Variants in EPB41L3 observed in about 807,000 individuals in gnomAD.
EPB41L3 encodes band 4.1-like protein 3.
Under a neutral mutation model 127.1 loss-of-function variants are expected in EPB41L3, and 57 were observed. The ratio of observed to expected loss-of-function variants is 0.45; its 90% CI spans 0.36 to 0.56. The LOEUF is 0.56. Ranked by LOEUF, EPB41L3 falls within the 20% of genes least tolerant of loss-of-function variation. EPB41L3 has a pLI of 0.00. For synonymous variants in EPB41L3, 572 were observed against 549.5 expected, an observed-to-expected ratio of 1.04 and a Z score of -0.57; for missense variants, 1,273 against 1,372.2, an observed-to-expected ratio of 0.93 and a Z score of 1.14.
At chr18:5,430,145 G>T (rs1322759648) in intron 8 of EPB41L3, among the ~76,000 whole-genome samples, 1 of 152,166 alleles carries the variant, frequency 6.6e-6, no homozygotes, top group Non-Finnish European at 1.5e-5. Flanking sequence ...GAAAACAGTA[G>T]CTCCCTTCAT....
At chr18:5,472,241 T>C (rs2086280805) in intron 3 of EPB41L3, among the ~76,000 whole-genome samples, 1 of 152,202 alleles carries the variant, frequency 6.6e-6, no homozygotes, top group South Asian at 2.1e-4. Context: ...ATGGTAATTG[T>C]GTAAATGAGA....
At chr18:5,469,900 C>T (rs1656552021) in intron 3 of EPB41L3, among the ~76,000 whole-genome samples, 1 of 152,016 alleles carries the variant, frequency 6.6e-6, no homozygotes, top group African/African-American at 2.4e-5. Flanking sequence ...CTGCCTCAGC[C>T]TCCCAAGTAG....
At chr18:5,464,955 T>G (rs553789708) in intron 3 of EPB41L3, among the ~76,000 whole-genome samples, 1 of 152,360 alleles carries the variant, frequency 6.6e-6, no homozygotes, top group South Asian at 2.1e-4. Flanking sequence ...TATACCTACT[T>G]GTTCCCTATA....
chr18:5,490,513 T>A (rs1466718435), intron 1 of EPB41L3, among the ~76,000 whole-genome samples: 1 of 152,226 alleles, frequency 6.6e-6, no homozygotes, highest in East Asian at 1.9e-4. Context: ...TTAGGGTTAC[T>A]TTCACAATCA....
chr18:5,426,159 C>T (rs2078149786), intron 9 of EPB41L3, among the ~76,000 whole-genome samples: 1 of 152,168 alleles, frequency 6.6e-6, no homozygotes, highest in Admixed American at 6.6e-5. Flanking sequence ...TTGCCTTGCT[C>T]TTTGAGTAAT....
chr18:5,490,548 AAG>A (rs1440496601), intron 1 of EPB41L3, among the ~76,000 whole-genome samples: 1 of 152,194 alleles, frequency 6.6e-6, no homozygotes, highest in African/African-American at 2.4e-5. Context: ...TGTTGAATAA[AAG>A]AGACATATCA....
At chr18:5,569,434 G>T (rs1351391890) in intron 3 of EPB41L3, among the ~76,000 whole-genome samples, 1 of 152,172 alleles carries the variant, frequency 6.6e-6, no homozygotes, top group Non-Finnish European at 1.5e-5. Flanking sequence ...AATATATAAA[G>T]TAGTCCCCCT....
chr18:5,463,057 T>C (rs766348614), intron 3 of EPB41L3, among the ~76,000 whole-genome samples: 13 of 152,180 alleles, frequency 8.5e-5, no homozygotes, highest in Non-Finnish European at 1.8e-4. Context: ...ATATATCCAA[T>C]TGATCAGGCC....
intron 1 of EPB41L3, among the ~76,000 whole-genome samples, chr18:5,500,350 T>C (rs2091632014): frequency 6.6e-6 from 1 of 152,146 alleles, no homozygotes; most frequent in Non-Finnish European, 1.5e-5. Flanking sequence ...TCTGCATCTG[T>C]GAGAAAGGAG....
At chr18:5,395,026 T>C (rs185170221) in intron 21 of EPB41L3, 41 bp downstream of exon 21, 1,659 of 1,592,424 alleles carry the variant, frequency 1.0e-3, no homozygotes, top group Non-Finnish European at 1.3e-3. Context: ...AGGTTTTTCT[T>C]TGTTTCTCTG....
chr18:5,579,449 T>A (rs2094370091), intron 3 of EPB41L3, among the ~76,000 whole-genome samples: 1 of 152,194 alleles, frequency 6.6e-6, no homozygotes. Context: ...TAACCAAAGA[T>A]TATTAGTAAT....
intron 16 of EPB41L3, chr18:5,400,259 C>A: frequency 4.4e-6 from 1 of 225,454 alleles, no homozygotes; most frequent in Non-Finnish European, 9.0e-6. Context: ...TTCAGGGAGG[C>A]ATAATACAAT....
At chr18:5,524,033 AAAT>A (rs1249291741) in intron 1 of EPB41L3, among the ~76,000 whole-genome samples, 2 of 152,160 alleles carry the variant, frequency 1.3e-5, no homozygotes, top group Non-Finnish European at 2.9e-5. Context: ...GGTGCCCTAC[AAAT>A]AATAATTCAT....
chr18:5,445,831 T>C (rs1227327728), intron 3 of EPB41L3, among the ~76,000 whole-genome samples: 2 of 152,154 alleles, frequency 1.3e-5, no homozygotes, highest in African/African-American at 2.4e-5. Context: ...TCGAACCCTA[T>C]TGTGAACTGT....
chr18:5,495,466 A>G (rs1239540896), intron 1 of EPB41L3, among the ~76,000 whole-genome samples: 1 of 152,000 alleles, frequency 6.6e-6, no homozygotes, highest in Non-Finnish European at 1.5e-5. Flanking sequence ...GCTTCAAGGA[A>G]TGCACATTCA....
At chr18:5,426,406 C>A (rs1051189222) in intron 9 of EPB41L3, among the ~76,000 whole-genome samples, 1 of 152,110 alleles carries the variant, frequency 6.6e-6, no homozygotes, top group Non-Finnish European at 1.5e-5. Context: ...TCTATCCTGT[C>A]TCTACGACCT....
chr18:5,587,666 G>A (rs1418535340), intron 3 of EPB41L3, among the ~76,000 whole-genome samples: 1 of 152,122 alleles, frequency 6.6e-6, no homozygotes, highest in Non-Finnish European at 1.5e-5. Flanking sequence ...TCATGCTTCT[G>A]TTACTTACAT....
At chr18:5,432,004 C>T (rs183469274) in intron 8 of EPB41L3, among the ~76,000 whole-genome samples, 85 of 152,304 alleles carry the variant, frequency 5.6e-4, no homozygotes, top group African/African-American at 1.9e-3. Flanking sequence ...AACAGCACAT[C>T]CCTGGTGTGA....
At chr18:5,474,229 TAA>T (rs879936689) in intron 3 of EPB41L3, among the ~76,000 whole-genome samples, 1 of 138,000 alleles carries the variant, frequency 7.2e-6, no homozygotes. Context: ...AGACTCTGTC[TAA>T]AAAAAAAAAA....
Sources: allele counts gnomAD v4.1 joint callset (sites outside exome capture counted in the v4.1 genomes callset), GRCh38; gene constraint gnomAD v4.1.1; transcripts MANE v1.5; gene names NCBI Gene and HGNC (gene_info 2026-07-23, HGNC 2026-07-21).